Variants in NALF1 observed in about 807,000 individuals in gnomAD.
NALF1 encodes NALCN channel auxiliary factor 1.
NALF1 carries 3 observed loss-of-function variants against 48.4 expected under a neutral mutation model. The observed-to-expected ratio is 0.06, with a 90% CI of 0.03 to 0.16. The LOEUF is 0.16. NALF1 is among the 10% of genes least tolerant of loss of function. NALF1 has a pLI of 1.00. For missense variants in NALF1, 526 were observed against 571.5 expected (o/e 0.92, Z 0.81); for synonymous variants, 262 against 245.7 (o/e 1.07, Z -0.62).
chr13:107,234,034 C>T (rs1880285686), intron 1 of NALF1, among the ~76,000 whole-genome samples: 1 of 152,086 alleles, frequency 6.6e-6, no homozygotes, highest in Non-Finnish European at 1.5e-5. Flanking sequence ...GCTGAAAAAC[C>T]TTGGATTTTC....
chr13:107,378,151 G>A (rs1419977929), intron 1 of NALF1, among the ~76,000 whole-genome samples: 6 of 152,112 alleles, frequency 3.9e-5, no homozygotes, highest in Admixed American at 3.9e-4. Flanking sequence ...TGAAAGCTCA[G>A]AGTTACAATA....
chr13:107,439,080 CAG>C (rs1218472369), intron 1 of NALF1, among the ~76,000 whole-genome samples: 1 of 151,962 alleles, frequency 6.6e-6, no homozygotes, highest in Non-Finnish European at 1.5e-5. Context: ...AAAGAATTCA[CAG>C]ATAGTTATAC....
chr13:107,643,542 T>TA (rs560173282), intron 1 of NALF1, among the ~76,000 whole-genome samples: 1 of 128,122 alleles, frequency 7.8e-6, no homozygotes, highest in Non-Finnish European at 1.6e-5. Context: ...GTGTATTTGG[T>TA]GGGGGGGGGG....
chr13:107,639,398 C>T (rs1426230549), intron 1 of NALF1, among the ~76,000 whole-genome samples: 1 of 152,176 alleles, frequency 6.6e-6, no homozygotes, highest in East Asian at 1.9e-4. Flanking sequence ...TCTGTAGACA[C>T]TCCATGCCAT....
At chr13:107,537,061 C>T (rs768437122) in intron 1 of NALF1, among the ~76,000 whole-genome samples, 1 of 152,054 alleles carries the variant, frequency 6.6e-6, no homozygotes, top group African/African-American at 2.4e-5. Context: ...CGGGGAACAT[C>T]ACACACCAGG....
chr13:107,398,700 G>A (rs891181024), intron 1 of NALF1, among the ~76,000 whole-genome samples: 14 of 152,036 alleles, frequency 9.2e-5, no homozygotes, highest in Admixed American at 7.2e-4. Flanking sequence ...TCATTGATGC[G>A]TCTCTCAACA....
intron 1 of NALF1, among the ~76,000 whole-genome samples, chr13:107,656,881 A>G (rs1880590463): frequency 6.6e-6 from 1 of 152,188 alleles, no homozygotes; most frequent in South Asian, 2.1e-4. Flanking sequence ...GGAGACTACT[A>G]TTCTAAGTGA....
intron 1 of NALF1, among the ~76,000 whole-genome samples, chr13:107,782,086 G>A (rs914392489): frequency 1.4e-4 from 21 of 151,822 alleles, no homozygotes; most frequent in African/African-American, 5.1e-4. Flanking sequence ...TCTTTCCACG[G>A]TCTCCCTCTG....
In NALF1 at chr13:107,670,069, G is replaced by A. The variant is rs1245663305; in HGVS notation, c.915+195613C>T. Among the ~76,000 whole-genome samples, 3 of 152,086 alleles carry A rather than the reference G, an allele frequency of 2.0e-5. No individual in the cohort carries two copies. In the South Asian group the frequency reaches 6.2e-4, roughly 32 times the overall value. On this transcript the variant is annotated intron_variant, in intron 1 of 2. Coordinates refer to ENST00000375915, the MANE Select transcript of NALF1 (RefSeq NM_001080396.3). ...CCTTTCTACTTCACCATCTACTGTT[G>A]CAGTGATATGTTTATGCTTTTAGTT...
intron 1 of NALF1, among the ~76,000 whole-genome samples, chr13:107,629,389 T>G (rs891865939): frequency 6.6e-6 from 1 of 152,162 alleles, no homozygotes; most frequent in African/African-American, 2.4e-5. Context: ...TTGTTCTCTA[T>G]GGCATGGAAT....
At chr13:107,500,884 T>G (rs541530292) in intron 1 of NALF1, among the ~76,000 whole-genome samples, 2 of 150,040 alleles carry the variant, frequency 1.3e-5, no homozygotes, top group African/African-American at 4.9e-5. Flanking sequence ...TTCTCACTCA[T>G]AGGTGGGAAC....
At chr13:107,609,256 C>T (rs1450855441) in intron 1 of NALF1, among the ~76,000 whole-genome samples, 1 of 152,208 alleles carries the variant, frequency 6.6e-6, no homozygotes. Flanking sequence ...TCATTCAGTT[C>T]ATGAAACAAA....
intron 1 of NALF1, among the ~76,000 whole-genome samples, chr13:107,472,565 A>C (rs553579004): frequency 6.6e-6 from 1 of 152,264 alleles, no homozygotes; most frequent in East Asian, 1.9e-4. Context: ...GGATAAAAGC[A>C]GGCAGAGGAA....
intron 1 of NALF1, among the ~76,000 whole-genome samples, chr13:107,492,669 A>T (rs114855796): frequency 2.0e-5 from 3 of 152,192 alleles, no homozygotes; most frequent in African/African-American, 7.2e-5. Context: ...TCAGTTTTGC[A>T]CTGTCTGTAA....
intron 1 of NALF1, among the ~76,000 whole-genome samples, chr13:107,569,155 C>T (rs1013340591): frequency 1.3e-5 from 2 of 152,084 alleles, no homozygotes; most frequent in African/African-American, 2.4e-5. Context: ...TATCTAATTG[C>T]TCCATAACCA....
Position 107,492,754 on chromosome 13 carries a change from T to TTATAA in NALF1, c.916-282000_916-281999insTTATA, listed in dbSNP as rs1594092434. Among the ~76,000 whole-genome samples the TTATAA allele has an allele frequency of 2.0e-5, 3 of 152,190 alleles. No individual in the cohort carries two copies. In the East Asian group the frequency reaches 5.8e-4, roughly 29 times the overall value. On this transcript the variant is annotated intron_variant, in intron 1 of 2. Coordinates refer to ENST00000375915, the MANE Select transcript of NALF1 (RefSeq NM_001080396.3). Reference sequence around the variant, plus strand: ...TAACTTATAAGACTTTGATAATGGCTGTACATCATGGATAGGCAAGAATAG... The same window carrying TTATAA: ...TAACTTATAAGACTTTGATAATGGCTTATAAGTACATCATGGATAGGCAAGAATAG...
At chr13:107,449,362 CA>C (rs1884703726) in intron 1 of NALF1, among the ~76,000 whole-genome samples, 1 of 151,616 alleles carries the variant, frequency 6.6e-6, no homozygotes, top group African/African-American at 2.4e-5. Flanking sequence ...TCCTGAAAAT[CA>C]AAAGTAGGAA....
At chr13:107,492,364 A>ACT (rs1198469174) in intron 1 of NALF1, among the ~76,000 whole-genome samples, 1 of 152,076 alleles carries the variant, frequency 6.6e-6, no homozygotes, top group Non-Finnish European at 1.5e-5. Context: ...CCTGTCTTAA[A>ACT]CTTACCCTCA....
At chr13:107,497,712 G>A (rs564168766) in intron 1 of NALF1, among the ~76,000 whole-genome samples, 15 of 152,162 alleles carry the variant, frequency 9.9e-5, no homozygotes, top group Non-Finnish European at 2.2e-4. Context: ...TTATAGATAC[G>A]TGTGTGTATA....
Sources: allele counts gnomAD v4.1 joint callset (sites outside exome capture counted in the v4.1 genomes callset), GRCh38; gene constraint gnomAD v4.1.1; transcripts MANE v1.5; gene names NCBI Gene and HGNC (gene_info 2026-07-23, HGNC 2026-07-21).